The following HAAO variants were observed in gnomAD, a reference collection of about 807,000 sequenced individuals.
HAAO encodes the protein 3-hydroxyanthranilate 3,4-dioxygenase.
A neutral mutation model predicts 46.2 loss-of-function variants in HAAO; 49 were observed. That is an observed-to-expected ratio of 1.06 (90% CI 0.84 to 1.34). HAAO has a LOEUF of 1.34. Among genes scored for constraint, HAAO ranks in the 40% most tolerant of loss-of-function variants. HAAO has a pLI of 0.00. For synonymous variants in HAAO, 157 were observed against 145.2 expected (o/e 1.08, Z -0.58); for missense variants, 408 against 364.5 (o/e 1.12, Z -0.97).
chr2:42,767,950 A>G, intron 7 of HAAO, 22 bp from the exon 8 acceptor site: 1 of 1,608,530 alleles, frequency 6.2e-7, no homozygotes, highest in Admixed American at 1.7e-5. Context: ...TGAAACAGAA[A>G]CTTCTGGTGC....
chr2:42,791,601 T>A (rs541936198), intron 1 of HAAO, among the ~76,000 whole-genome samples: 2 of 152,048 alleles, frequency 1.3e-5, no homozygotes, highest in African/African-American at 4.8e-5. Flanking sequence ...AAGTTACTTA[T>A]GAAAATCCCC....
intron 1 of HAAO, among the ~76,000 whole-genome samples, chr2:42,788,850 G>A (rs967499074): frequency 4.6e-5 from 7 of 152,222 alleles, no homozygotes; most frequent in Non-Finnish European, 7.3e-5. Context: ...CCCCCACATC[G>A]TCTGACCCAA....
chr2:42,778,556 C>T (rs1671758914), intron 4 of HAAO, among the ~76,000 whole-genome samples: 2 of 152,120 alleles, frequency 1.3e-5, no homozygotes, highest in South Asian at 2.1e-4. Flanking sequence ...GTCTGAAACT[C>T]TGACCTCATG....
At chr2:42,788,084 A>G (rs893729) in intron 2 of HAAO, among the ~76,000 whole-genome samples, 121,283 of 152,000 alleles carry the variant, frequency 0.8, 48,738 homozygotes, top group Middle Eastern at 0.93. Flanking sequence ...AGCCCCTCGA[A>G]CTCCCTCTGC....
rs1464476090 is a variant in HAAO at position 42,790,095 on chromosome 2, A to G, written c.81-1488T>C. ...GCTATGGGGGAGGTCTGAGCCCCCAAACTAGACTGGCAGGTCCTTTCTGAG... is the reference window on the plus strand; with the variant it reads ...GCTATGGGGGAGGTCTGAGCCCCCAGACTAGACTGGCAGGTCCTTTCTGAG... On this transcript the variant is annotated intron_variant, in intron 1 of 9. Coordinates refer to ENST00000294973, the MANE Select transcript of HAAO (RefSeq NM_012205.3). Among the ~76,000 whole-genome samples the G allele has an allele frequency of 3.9e-5, 6 of 152,222 alleles. No individual in the cohort carries two copies. The East Asian group carries it at 9.8e-4, about 25-fold the overall frequency.
At chr2:42,777,268 A>T (rs1671649199) in intron 4 of HAAO, among the ~76,000 whole-genome samples, 2 of 142,600 alleles carry the variant, frequency 1.4e-5, no homozygotes, top group African/African-American at 2.7e-5. Flanking sequence ...GTGCCACTGC[A>T]CTCCAGCTCA....
chr2:42,771,728 C>T (rs1026414126), intron 4 of HAAO, among the ~76,000 whole-genome samples: 5 of 152,256 alleles, frequency 3.3e-5, no homozygotes, highest in African/African-American at 9.6e-5. Flanking sequence ...GTGCCAGGAA[C>T]GCCTGTTAAC....
intron 4 of HAAO, among the ~76,000 whole-genome samples, chr2:42,771,556 C>G (rs1671119650): frequency 6.6e-6 from 1 of 152,124 alleles, no homozygotes; most frequent in Non-Finnish European, 1.5e-5. Context: ...TTTTGGACCT[C>G]TTTTCTGGGG....
At chr2:42,777,175 C>T (rs1241100482) in intron 4 of HAAO, among the ~76,000 whole-genome samples, 12 of 151,376 alleles carry the variant, frequency 7.9e-5, no homozygotes, top group African/African-American at 1.7e-4. Context: ...TGGTTGTGGG[C>T]GCCTGCAATC....
At chr2:42,769,556 TACA>T (rs2104636806) in intron 7 of HAAO, among the ~76,000 whole-genome samples, 154 bp downstream of exon 7, 1 of 152,068 alleles carries the variant, frequency 6.6e-6, no homozygotes, top group Non-Finnish European at 1.5e-5. Flanking sequence ...TGCTCATGTC[TACA>T]ACCTCTGAAA....
intron 4 of HAAO, among the ~76,000 whole-genome samples, chr2:42,781,419 G>C (rs1281355207): frequency 1.3e-5 from 2 of 152,068 alleles, no homozygotes; most frequent in African/African-American, 4.8e-5. Flanking sequence ...CACGCCCAAA[G>C]GCCTCAAGTT....
intron 1 of HAAO, among the ~76,000 whole-genome samples, chr2:42,791,622 C>G (rs564382578): frequency 3.9e-5 from 6 of 152,288 alleles, no homozygotes; most frequent in African/African-American, 1.4e-4. Flanking sequence ...CCTCACGGTG[C>G]TACTGTGAGA....
At chr2:42,768,741 C>G (rs1023677723) in intron 7 of HAAO, among the ~76,000 whole-genome samples, 1 of 152,208 alleles carries the variant, frequency 6.6e-6, no homozygotes, top group East Asian at 1.9e-4. Flanking sequence ...CCTGTCACTC[C>G]CCTGCTTCAA....
chr2:42,777,110 T>A (rs1275027315), intron 4 of HAAO, among the ~76,000 whole-genome samples: 2 of 151,386 alleles, frequency 1.3e-5, no homozygotes, highest in African/African-American at 2.4e-5. Context: ...GAGACCAGCC[T>A]GGCCAACATG....
chr2:42,779,927 T>G (rs1024215102), intron 4 of HAAO, among the ~76,000 whole-genome samples: 2 of 152,238 alleles, frequency 1.3e-5, no homozygotes, highest in South Asian at 4.1e-4. Flanking sequence ...AAATGGTGTT[T>G]GGTTTTCTTT....
chr2:42,777,520 T>A (rs1671677334), intron 4 of HAAO, among the ~76,000 whole-genome samples: 2 of 152,116 alleles, frequency 1.3e-5, no homozygotes, highest in Non-Finnish European at 2.9e-5. Flanking sequence ...GTTCAGCCTA[T>A]GAACAAGGAG....
At chr2:42,788,202 G>A (rs947475601) in intron 2 of HAAO, among the ~76,000 whole-genome samples, 6 of 152,176 alleles carry the variant, frequency 3.9e-5, no homozygotes, top group African/African-American at 1.4e-4. Context: ...TTGTGGGGAG[G>A]GGACCAGGAC....
chr2:42,770,927 G>A (rs1671065221), intron 4 of HAAO, among the ~76,000 whole-genome samples: 1 of 152,196 alleles, frequency 6.6e-6, no homozygotes, highest in Non-Finnish European at 1.5e-5. Context: ...GCGGAAGCAG[G>A]CCAGTCTCAA....
intron 1 of HAAO, among the ~76,000 whole-genome samples, chr2:42,791,453 G>C (rs903764199): frequency 8.5e-5 from 13 of 152,172 alleles, no homozygotes; most frequent in African/African-American, 3.1e-4. Flanking sequence ...AACAGTGATA[G>C]AAGAGATCTT....
Sources: allele counts gnomAD v4.1 joint callset (sites outside exome capture counted in the v4.1 genomes callset), GRCh38; gene constraint gnomAD v4.1.1; transcripts MANE v1.5; gene names NCBI Gene and HGNC (gene_info 2026-07-23, HGNC 2026-07-21).